Variants in GPC6 observed in about 807,000 individuals in gnomAD.
The protein encoded by GPC6 is glypican 6.
GPC6 carries 14 observed loss-of-function variants against 55.2 expected under a neutral mutation model. The ratio of observed to expected loss-of-function variants is 0.25; its 90% CI spans 0.17 to 0.40. The LOEUF (loss-of-function observed/expected upper bound fraction) is 0.40, where lower values mean the gene tolerates loss of function less well. Among genes scored for constraint, GPC6 ranks in the 10% least tolerant of loss-of-function variants. GPC6 has a pLI of 1.00. For synonymous variants in GPC6, 278 were observed against 259.6 expected (o/e 1.07, Z -0.68); for missense variants, 641 against 708.5 (o/e 0.90, Z 1.08).
At chr13:93,855,023 T>C (rs1183845691) in intron 3 of GPC6, among the ~76,000 whole-genome samples, 1 of 151,622 alleles carries the variant, frequency 6.6e-6, no homozygotes. Context: ...ATGAACCTCA[T>C]TGACACATCA....
intron 4 of GPC6, among the ~76,000 whole-genome samples, chr13:94,208,487 A>T (rs1194291465): frequency 6.6e-6 from 1 of 152,124 alleles, no homozygotes; most frequent in Non-Finnish European, 1.5e-5. Context: ...GTACGTCTTT[A>T]AAAAAATAAA....
chr13:94,233,201 G>A (rs1337356541), intron 4 of GPC6, among the ~76,000 whole-genome samples: 1 of 151,364 alleles, frequency 6.6e-6, no homozygotes, highest in Non-Finnish European at 1.5e-5. Context: ...GGAACTGACT[G>A]TATAAAGGAA....
At chr13:93,526,830 A>C (rs1037601955) in intron 1 of GPC6, among the ~76,000 whole-genome samples, 1 of 152,082 alleles carries the variant, frequency 6.6e-6, no homozygotes, top group African/African-American at 2.4e-5. Context: ...TCAGATTGTT[A>C]TTTTGCATAT....
intron 1 of GPC6, among the ~76,000 whole-genome samples, chr13:93,474,385 T>C (rs189087103): frequency 1.3e-5 from 2 of 152,234 alleles, no homozygotes; most frequent in African/African-American, 4.8e-5. Context: ...ATAAAAATGT[T>C]TGTGGTTACT....
At chr13:93,687,704 G>T (rs1882100010) in intron 2 of GPC6, among the ~76,000 whole-genome samples, 1 of 151,988 alleles carries the variant, frequency 6.6e-6, no homozygotes, top group African/African-American at 2.4e-5. Context: ...ACATATTAAT[G>T]TTATCTGTTA....
At chr13:94,083,917 A>G (rs1332136489) in intron 4 of GPC6, among the ~76,000 whole-genome samples, 2 of 152,252 alleles carry the variant, frequency 1.3e-5, no homozygotes, top group African/African-American at 2.4e-5. Flanking sequence ...ACAGGGCTAT[A>G]TAATGCTTGT....
chr13:93,850,748 A>T (rs1888362793), intron 3 of GPC6, among the ~76,000 whole-genome samples: 1 of 151,952 alleles, frequency 6.6e-6, no homozygotes, highest in East Asian at 1.9e-4. Context: ...CCTGGAAGGG[A>T]ATTCTTAGTT....
intron 3 of GPC6, among the ~76,000 whole-genome samples, chr13:93,910,259 G>A (rs1283270093): frequency 1.3e-5 from 2 of 152,072 alleles, no homozygotes; most frequent in Non-Finnish European, 2.9e-5. Context: ...CAATTATAAA[G>A]CAGAGTTTCC....
At chr13:93,948,684 A>C (rs1257283017) in intron 3 of GPC6, among the ~76,000 whole-genome samples, 1 of 152,196 alleles carries the variant, frequency 6.6e-6, no homozygotes, top group African/African-American at 2.4e-5. Flanking sequence ...TAGATAAGTA[A>C]ACACTGTGCT....
intron 1 of GPC6, among the ~76,000 whole-genome samples, chr13:93,427,938 A>T (rs1473239455): frequency 6.6e-6 from 1 of 152,208 alleles, no homozygotes; most frequent in Non-Finnish European, 1.5e-5. Context: ...CCTTGAGAAT[A>T]AAGCTTTTAG....
At chr13:94,227,966 T>C (rs1034296949) in intron 4 of GPC6, among the ~76,000 whole-genome samples, 8 of 152,156 alleles carry the variant, frequency 5.3e-5, no homozygotes, top group Non-Finnish European at 8.8e-5. Flanking sequence ...AGTGAGGAAG[T>C]ACAGTCCAAC....
At chr13:93,735,806 G>A (rs1566509912) in intron 2 of GPC6, among the ~76,000 whole-genome samples, 1 of 152,164 alleles carries the variant, frequency 6.6e-6, no homozygotes, top group African/African-American at 2.4e-5. Context: ...TGCATGTTCT[G>A]TACTATTTGT....
chr13:93,434,989 G>A (rs932920033), intron 1 of GPC6, among the ~76,000 whole-genome samples: 1 of 152,212 alleles, frequency 6.6e-6, no homozygotes, highest in Non-Finnish European at 1.5e-5. Context: ...ACAGGTGTGA[G>A]CCACTATGCC....
chr13:93,635,368 T>G lies in GPC6; in HGVS notation c.319+89947T>G, dbSNP rs1209933382. Among the ~76,000 whole-genome samples, 3 of 152,172 alleles carry G rather than the reference T, an allele frequency of 2.0e-5. No homozygotes were observed. In the East Asian group the frequency reaches 5.8e-4, roughly 29 times the overall value. On this transcript the variant is annotated intron_variant, in intron 2 of 8. Coordinates refer to ENST00000377047, the MANE Select transcript of GPC6 (RefSeq NM_005708.5). ...GAAATTTGTCATGAAATATTGAGCC[T>G]CCAATCATTGCAAATATCCCAACAC...
At chr13:94,146,791 A>G (rs991609675) in intron 4 of GPC6, among the ~76,000 whole-genome samples, 2 of 152,186 alleles carry the variant, frequency 1.3e-5, no homozygotes, top group African/African-American at 2.4e-5. Flanking sequence ...TAATTATGTG[A>G]TTGACCAGAT....
chr13:93,942,800 C>A (rs1878802394), intron 3 of GPC6, among the ~76,000 whole-genome samples: 1 of 152,142 alleles, frequency 6.6e-6, no homozygotes, highest in African/African-American at 2.4e-5. Flanking sequence ...ATAGTACATT[C>A]AAACTTCTTG....
At chr13:94,168,664 A>G (rs933324519) in intron 4 of GPC6, among the ~76,000 whole-genome samples, 1 of 148,354 alleles carries the variant, frequency 6.7e-6, no homozygotes, top group African/African-American at 2.4e-5. Context: ...ATATGTCCAT[A>G]TATTATAAAT....
chr13:93,424,179 T>A (rs1877031650), intron 1 of GPC6, among the ~76,000 whole-genome samples: 1 of 152,118 alleles, frequency 6.6e-6, no homozygotes, highest in Non-Finnish European at 1.5e-5. Context: ...GAAGGAAAAG[T>A]TGAGCTTTGC....
intron 4 of GPC6, among the ~76,000 whole-genome samples, chr13:94,126,568 T>A (rs985040941): frequency 2.0e-5 from 3 of 152,124 alleles, no homozygotes; most frequent in African/African-American, 7.2e-5. Flanking sequence ...TAAAATTAAT[T>A]TCTGGTTTAT....
Sources: gnomAD v4.1 joint callset for allele counts (sites outside exome capture counted in the v4.1 genomes callset) on GRCh38, gnomAD v4.1.1 for gene constraint, MANE v1.5 for transcripts, NCBI Gene and HGNC (gene_info 2026-07-23, HGNC 2026-07-21) for gene names.